CPXM2: variants seen among roughly 807,000 people sequenced by gnomAD.
CPXM2 encodes inactive carboxypeptidase-like protein X2.
Under a neutral mutation model 86.1 loss-of-function variants are expected in CPXM2, and 66 were observed. That is an observed-to-expected ratio of 0.77 (90% CI 0.63 to 0.94). The LOEUF is 0.94. Ranked by LOEUF, CPXM2 falls within the 40% of genes least tolerant of loss-of-function variation. The pLI is 0.00. For synonymous variants in CPXM2, 388 were observed against 400.2 expected (o/e 0.97, Z 0.36); for missense variants, 948 against 1,026.3 (o/e 0.92, Z 1.04).
At chr10:123,761,397 C>A (rs1214044321) in intron 11 of CPXM2, among the ~76,000 whole-genome samples, 1 of 152,206 alleles carries the variant, frequency 6.6e-6, no homozygotes, top group Non-Finnish European at 1.5e-5. Context: ...CACAGGACAT[C>A]ACCCAAGAAC....
At chr10:123,927,537 G>T (rs775530167) in intron 2 of CPXM2, among the ~76,000 whole-genome samples, 19 of 152,120 alleles carry the variant, frequency 1.2e-4, no homozygotes, top group Non-Finnish European at 2.2e-4. Flanking sequence ...GGAGACTAAC[G>T]CACCTTGCCC....
chr10:123,794,773 A>G lies in CPXM2; in HGVS notation c.889+3203T>C, dbSNP rs200266101. 1.2e-3 allele frequency among the ~76,000 whole-genome samples: 131 copies of G among 111,368 alleles called. 1 individual carries two copies. The South Asian group carries it at 0.016, about 14-fold the overall frequency. 73.1% of individuals were successfully genotyped at this position (111,368 alleles called of 152,430 possible). ...TGTGTGTGTGTGTGTGTGTGTGCGC[A>G]TGTGTGTGTGTATTTGAGACAGGGT... On this transcript the variant is annotated intron_variant, in intron 6 of 13. Coordinates refer to ENST00000241305, the MANE Select transcript of CPXM2 (RefSeq NM_198148.3).
chr10:123,910,891 T>C (rs1945482305), intron 2 of CPXM2, among the ~76,000 whole-genome samples: 1 of 152,194 alleles, frequency 6.6e-6, no homozygotes, highest in African/African-American at 2.4e-5. Context: ...CAGGTGTTCC[T>C]TGGCTTGTGG....
chr10:123,764,795 TATTA>T (rs908654264), intron 10 of CPXM2, among the ~76,000 whole-genome samples: 16 of 152,176 alleles, frequency 1.1e-4, no homozygotes, highest in South Asian at 8.3e-4. Context: ...TTTCTTCTGT[TATTA>T]ATTAATTAAT....
At chr10:123,870,259 C>T (rs757456501) in intron 2 of CPXM2, among the ~76,000 whole-genome samples, 1 of 152,144 alleles carries the variant, frequency 6.6e-6, no homozygotes, top group Non-Finnish European at 1.5e-5. Context: ...CTTGAAAACT[C>T]GAGAGCATAA....
At chr10:123,776,892 A>G (rs1846804769) in intron 7 of CPXM2, 1 of 152,162 alleles carries the variant, frequency 6.6e-6, no homozygotes, top group South Asian at 2.1e-4. Flanking sequence ...TTATCCAGTG[A>G]ATGCAAGTTT....
intron 8 of CPXM2, among the ~76,000 whole-genome samples, chr10:123,769,156 G>A (rs1846566226): frequency 6.6e-6 from 1 of 152,220 alleles, no homozygotes; most frequent in Non-Finnish European, 1.5e-5. Flanking sequence ...CAAATCAGCA[G>A]TGACACAGTG....
chr10:123,822,067 A>T (rs952347331), intron 4 of CPXM2, among the ~76,000 whole-genome samples: 4 of 152,226 alleles, frequency 2.6e-5, no homozygotes, highest in Non-Finnish European at 5.9e-5. Flanking sequence ...TCAGAACCAG[A>T]TGTGTGACCA....
intron 2 of CPXM2, among the ~76,000 whole-genome samples, chr10:123,872,938 C>T (rs1944917134): frequency 6.7e-6 from 1 of 150,258 alleles, no homozygotes; most frequent in Admixed American, 6.6e-5. Context: ...AAAAAAAAAA[C>T]ATGCTGAAGA....
At chr10:123,880,456 T>A in intron 1 of CPXM2, 147 bp from the exon 2 acceptor site, 1 of 588,408 alleles carries the variant, frequency 1.7e-6, no homozygotes, top group Non-Finnish European at 3.1e-6. Flanking sequence ...CTTTAAGGAG[T>A]CTCTAGTTAA....
chr10:123,938,811 G>A (rs571906624), intron 2 of CPXM2, among the ~76,000 whole-genome samples: 18 of 151,970 alleles, frequency 1.2e-4, no homozygotes, highest in Middle Eastern at 3.4e-3. Flanking sequence ...ATGTAGAGTC[G>A]GTGATGGCAG....
At chr10:123,863,053 C>A (rs148479599) in intron 2 of CPXM2, among the ~76,000 whole-genome samples, 1 of 152,126 alleles carries the variant, frequency 6.6e-6, no homozygotes, top group Admixed American at 6.5e-5. Flanking sequence ...TCAGAACTTG[C>A]GGATTTTGCT....
rs1368730161 is a variant in CPXM2 at position 123,772,920 on chromosome 10, C to CCCCTGGTTGTGGTTCTCACCT, written c.979-1902_979-1882dup. On this transcript the variant is annotated intron_variant, in intron 7 of 13. Coordinates refer to ENST00000241305, the MANE Select transcript of CPXM2 (RefSeq NM_198148.3). ...CACTCCCCTGGGTGTGGTCCTCATT[C>CCCCTGGTTGTGGTTCTCACCT]CCCTGGTTGTGGTTCTCACCTCCCT... Among the ~76,000 whole-genome samples the CCCCTGGTTGTGGTTCTCACCT allele has an allele frequency of 1.2e-4, 18 of 148,818 alleles. No homozygotes were observed. The South Asian group carries it at 1.3e-3, about 11-fold the overall frequency.
chr10:123,884,420 C>T (rs1055938323), intron 1 of CPXM2, among the ~76,000 whole-genome samples: 99 of 152,268 alleles, frequency 6.5e-4, no homozygotes, highest in African/African-American at 2.3e-3. Context: ...CTGCTCTGTG[C>T]GATGTTGGCA....
intron 3 of CPXM2, among the ~76,000 whole-genome samples, chr10:123,857,593 TGGAGATGGAAGGCGG>T (rs1848756799): frequency 7.4e-6 from 1 of 135,770 alleles, no homozygotes. Context: ...GAAGGCGGCG[TGGAGATGGAAGGCGG>T]CGTGGAGATG....
chr10:123,865,849 C>T lies in CPXM2; in HGVS notation c.404-3126G>A, dbSNP rs1035830296. Among the ~76,000 whole-genome samples, 12 of 152,126 alleles carry T rather than the reference C, an allele frequency of 7.9e-5. No homozygotes were observed. The highest frequency in any genetic ancestry group is 6.5e-4 in the Admixed American group (10 of 15,280). On this transcript the variant is annotated intron_variant, in intron 2 of 13. Coordinates refer to ENST00000241305, the MANE Select transcript of CPXM2 (RefSeq NM_198148.3). This position sits in a 1 kb window ranked among gnomAD's most constrained non-coding sequence, Gnocchi z 4.7. ...GGCAACACCTCCATCTCTGCTTCTT[C>T]TCTCCCTTCCTTTCCTGGGATTTTT...
At chr10:123,920,458 TA>T (rs1564822767) in intron 2 of CPXM2, among the ~76,000 whole-genome samples, 1 of 152,164 alleles carries the variant, frequency 6.6e-6, no homozygotes, top group African/African-American at 2.4e-5. Flanking sequence ...ATCTAATGTT[TA>T]AAAAATCATG....
chr10:123,753,210 G>A (rs1041585596), intron 13 of CPXM2, among the ~76,000 whole-genome samples: 1 of 152,174 alleles, frequency 6.6e-6, no homozygotes, highest in Admixed American at 6.5e-5. Context: ...GGGGATCAGT[G>A]GGAAGTCAGA....
chr10:123,797,279 C>G (rs1847352934), intron 6 of CPXM2, among the ~76,000 whole-genome samples: 1 of 152,228 alleles, frequency 6.6e-6, no homozygotes, highest in South Asian at 2.1e-4. Flanking sequence ...CTCCCTCCTA[C>G]CCCACCGCCA....
Sources: allele counts gnomAD v4.1 joint callset (sites outside exome capture counted in the v4.1 genomes callset), GRCh38; gene constraint gnomAD v4.1.1; non-coding constraint Gnocchi (gnomAD v3.1); transcripts MANE v1.5; gene names NCBI Gene and HGNC (gene_info 2026-07-23, HGNC 2026-07-21).